Variants in LDLRAD3 observed in about 807,000 individuals in gnomAD.
LDLRAD3 encodes the protein low density lipoprotein receptor class A domain containing 3.
A neutral mutation model predicts 29.4 loss-of-function variants in LDLRAD3; 20 were observed. The observed-to-expected ratio is 0.68, with a 90% CI of 0.48 to 0.99. The LOEUF (loss-of-function observed/expected upper bound fraction) is 0.99. Among genes scored for constraint, LDLRAD3 ranks in the 50% least tolerant of loss-of-function variants. The pLI, the probability that LDLRAD3 is intolerant of heterozygous loss-of-function variation, is 0.00. For synonymous variants in LDLRAD3, 157 were observed against 192.7 expected (o/e 0.81, Z 1.53); for missense variants, 420 against 454.3 (o/e 0.92, Z 0.69).
intron 1 of LDLRAD3, chr11:36,001,073 C>CT (rs1187896408): frequency 2.6e-5 from 4 of 152,118 alleles, no homozygotes; most frequent in African/African-American, 9.7e-5. Context: ...TTCAGTGGTA[C>CT]TTTCTTTCGC....
chr11:35,995,202 A>G (rs1302003605), intron 1 of LDLRAD3, among the ~76,000 whole-genome samples: 1 of 152,248 alleles, frequency 6.6e-6, no homozygotes, highest in African/African-American at 2.4e-5. Flanking sequence ...TTTCCTAAAT[A>G]AGACTTGAAA....
rs374256624 is a variant in LDLRAD3 at position 36,227,101 on chromosome 11, G to A, written c.471G>A (p.Gln157=). Residue 157 remains glutamine (Q), a synonymous_variant, in exon 5 of 6, where the codon CAG becomes CAA. Transcript: ENST00000315571. Reference sequence around the variant, plus strand: ...GTTTCTCAGAACCCGGCAGTGGGCAGGTGTTTGTGACTTCAGAGAACCAAC... The same window carrying A: ...GTTTCTCAGAACCCGGCAGTGGGCAAGTGTTTGTGACTTCAGAGAACCAAC... The part of the protein sequence containing the change: ...CESSQEPGSG[Q]VFVTSENQLV... The A allele has an allele frequency of 1.3e-6, 2 of 1,596,664 alleles. No individual in the cohort carries two copies. Among genetic ancestry groups the A allele is most frequent in the African/African-American group, 2.7e-5 (2 of 74,598 alleles).
intron 4 of LDLRAD3, among the ~76,000 whole-genome samples, chr11:36,163,053 G>A (rs948790280): frequency 3.9e-5 from 6 of 152,226 alleles, no homozygotes; most frequent in African/African-American, 1.4e-4. Context: ...CTTCATGGGT[G>A]TTTGATATCA....
At chr11:36,031,223 G>A (rs567874918) in intron 1 of LDLRAD3, among the ~76,000 whole-genome samples, 3 of 152,110 alleles carry the variant, frequency 2.0e-5, no homozygotes, top group African/African-American at 4.8e-5. Flanking sequence ...AGCCAACTTC[G>A]TGCTAATGCT....
At chr11:36,203,531 AAACCTGGCCC>A (rs147124656) in intron 4 of LDLRAD3, among the ~76,000 whole-genome samples, 1,821 of 152,238 alleles carry the variant, frequency 0.012, 38 homozygotes, top group African/African-American at 0.042. Flanking sequence ...ACAGGTAGGA[AAACCTGGCCC>A]AACAAAGGCA....
chr11:36,162,589 C>T (rs1854458882), intron 4 of LDLRAD3, among the ~76,000 whole-genome samples: 1 of 152,142 alleles, frequency 6.6e-6, no homozygotes, highest in Non-Finnish European at 1.5e-5. Flanking sequence ...TGGCTGTGCT[C>T]CTCACATTAG....
rs149862229 is a variant in LDLRAD3, at chr11:35,952,666, T to G, written c.46+8522T>G. ...GTTGGAATACCAACCAAAAGCAATT[T>G]CTTTTCAGCACTTCCCTCAAATAGT... On this transcript the variant is annotated intron_variant, in intron 1 of 5. Coordinates refer to ENST00000315571, the MANE Select transcript of LDLRAD3 (RefSeq NM_174902.4). Among the ~76,000 whole-genome samples the G allele has an allele frequency of 7.5e-4, 115 of 152,356 alleles. 1 individual carries two copies. The East Asian group carries it at 0.02, about 27-fold the overall frequency.
At chr11:35,976,161 T>C (rs1851473317) in intron 1 of LDLRAD3, among the ~76,000 whole-genome samples, 1 of 151,880 alleles carries the variant, frequency 6.6e-6, no homozygotes, top group South Asian at 2.1e-4. Flanking sequence ...ACCACATGGA[T>C]GGGGTGGGGT....
At chr11:35,962,677 A>T (rs1851292453) in intron 1 of LDLRAD3, among the ~76,000 whole-genome samples, 1 of 152,212 alleles carries the variant, frequency 6.6e-6, no homozygotes, top group South Asian at 2.1e-4. Context: ...GGACACACTG[A>T]CTGTTCCCTT....
chr11:36,039,912 C>G (rs2133213495), intron 2 of LDLRAD3, among the ~76,000 whole-genome samples: 2 of 152,336 alleles, frequency 1.3e-5, no homozygotes, highest in Admixed American at 1.3e-4. Context: ...GTGGACAGGG[C>G]TGAGGTCTCC....
At chr11:36,089,898 C>T (rs755598027) in intron 3 of LDLRAD3, among the ~76,000 whole-genome samples, 13 of 151,960 alleles carry the variant, frequency 8.6e-5, no homozygotes, top group Non-Finnish European at 1.9e-4. Flanking sequence ...AGGCTTGAGC[C>T]ATCATACCTG....
At chr11:36,064,214 AT>A (rs1214158886) in intron 2 of LDLRAD3, among the ~76,000 whole-genome samples, 1 of 152,082 alleles carries the variant, frequency 6.6e-6, no homozygotes, top group Non-Finnish European at 1.5e-5. Context: ...TGGATTGCTG[AT>A]TGCTAGTGTA....
chr11:36,087,341 C>T (rs1853211169), intron 3 of LDLRAD3, among the ~76,000 whole-genome samples: 2 of 152,136 alleles, frequency 1.3e-5, no homozygotes, highest in Non-Finnish European at 2.9e-5. Context: ...GATATTGTGT[C>T]TATTTTTTAA....
chr11:35,973,160 T>G (rs973300900), intron 1 of LDLRAD3, among the ~76,000 whole-genome samples: 3 of 151,842 alleles, frequency 2.0e-5, no homozygotes, highest in Non-Finnish European at 4.4e-5. Flanking sequence ...TGTTTTGTTT[T>G]GTTTTGTTTT....
At chr11:36,044,661 G>A (rs557570516) in intron 2 of LDLRAD3, among the ~76,000 whole-genome samples, 2 of 152,346 alleles carry the variant, frequency 1.3e-5, no homozygotes, top group East Asian at 3.9e-4. Context: ...ACATGGAATA[G>A]CTTTTAGCTT....
intron 4 of LDLRAD3, 61 bp downstream of exon 4, chr11:36,098,522 C>T (rs143183890): frequency 2.8e-5 from 45 of 1,587,328 alleles, no homozygotes; most frequent in Non-Finnish European, 3.9e-5. Context: ...AATGGAACAC[C>T]CTGAAAGGCA....
chr11:36,101,468 A>C (rs891555411), intron 4 of LDLRAD3, among the ~76,000 whole-genome samples: 6 of 152,212 alleles, frequency 3.9e-5, no homozygotes, highest in South Asian at 2.1e-4. Flanking sequence ...ATGTGAGTTC[A>C]GATATCCACG....
chr11:35,987,091 A>C (rs1451883201), intron 1 of LDLRAD3, among the ~76,000 whole-genome samples: 1 of 152,220 alleles, frequency 6.6e-6, no homozygotes, highest in Non-Finnish European at 1.5e-5. Context: ...GAATTTTGCT[A>C]ATGTAGTTGT....
intron 1 of LDLRAD3, among the ~76,000 whole-genome samples, chr11:35,960,260 A>G (rs116457120): frequency 0.025 from 3,863 of 152,312 alleles, 173 homozygotes; most frequent in African/African-American, 0.085. Flanking sequence ...AGAATATCCT[A>G]TTATATGAAT....
Sources: gnomAD v4.1 joint callset for allele counts (sites outside exome capture counted in the v4.1 genomes callset) on GRCh38, gnomAD v4.1.1 for gene constraint, MANE v1.5 for transcripts, NCBI Gene and HGNC (gene_info 2026-07-23, HGNC 2026-07-21) for gene names.